Variants in SLC12A3 observed in about 807,000 individuals in gnomAD.
SLC12A3 encodes Na-Cl cotransporter.
Under a neutral mutation model 121.0 loss-of-function variants are expected in SLC12A3, and 104 were observed. That is an observed-to-expected ratio of 0.86 (90% CI 0.73 to 1.01). The LOEUF (loss-of-function observed/expected upper bound fraction) is 1.01, where lower values mean the gene tolerates loss of function less well. Ranked by LOEUF, SLC12A3 falls within the 50% of genes least tolerant of loss-of-function variation. The pLI, the probability that SLC12A3 is intolerant of heterozygous loss-of-function variation, is 0.00. For missense variants in SLC12A3, 1,328 were observed against 1,356.3 expected, an observed-to-expected ratio of 0.98 and a Z score of 0.33; for synonymous variants, 536 against 533.4, an observed-to-expected ratio of 1.00 and a Z score of -0.07.
At chr16:56,908,106 G>T (rs1444554545) in intron 25 of SLC12A3, among the ~76,000 whole-genome samples, 1 of 130,032 alleles carries the variant, frequency 7.7e-6, no homozygotes, top group Non-Finnish European at 1.6e-5. Context: ...GTGCCAGTGT[G>T]TGCTTTTTTT....
At chr16:56,888,128 G>A in intron 18 of SLC12A3, 97 bp downstream of exon 18, 1 of 846,750 alleles carries the variant, frequency 1.2e-6, no homozygotes, top group East Asian at 2.8e-5. Context: ...AAAAAGTTGA[G>A]TCCTGCTGGG....
At chr16:56,875,581 T>TA (rs1267215087) in intron 8 of SLC12A3, among the ~76,000 whole-genome samples, 1 of 151,994 alleles carries the variant, frequency 6.6e-6, no homozygotes, top group Non-Finnish European at 1.5e-5. Context: ...ATCTAACAAA[T>TA]ACGTTTTGTG....
At chr16:56,905,092 C>A (rs2055588656) in intron 25 of SLC12A3, among the ~76,000 whole-genome samples, 1 of 152,144 alleles carries the variant, frequency 6.6e-6, no homozygotes, top group African/African-American at 2.4e-5. Context: ...GTAATCCCAG[C>A]ACTTTGGGAG....
chr16:56,891,385 A>G (rs1298573665), intron 19 of SLC12A3, among the ~76,000 whole-genome samples: 11 of 151,572 alleles, frequency 7.3e-5, no homozygotes, highest in African/African-American at 2.7e-4. Flanking sequence ...AAAAAAAAAA[A>G]AAAAAAAAGG....
rs1298941904 is a variant in SLC12A3, at chr16:56,870,168, TC to T, written c.675del (p.Phe225LeufsTer77). 5.0e-6 allele frequency: 8 copies of T among 1,614,122 alleles called. No individual in the cohort carries two copies. The highest frequency in any genetic ancestry group is 6.8e-6 in the Non-Finnish European group (8 of 1,180,046). On this transcript the variant is annotated frameshift_variant, in exon 5 of 26. Transcript: ENST00000563236. LOFTEE classifies it high-confidence loss of function. ...LGGSIGLIFA[F>X]ANAVGVAMHT... Reference sequence around the variant, plus strand: ...GGCTCCATCGGCCTCATTTTCGCTTTCGCCAATGCCGTGGGTGTGGCCATGC... The same window carrying T: ...GGCTCCATCGGCCTCATTTTCGCTTTGCCAATGCCGTGGGTGTGGCCATGC...
At chr16:56,901,347 C>CTTTTTGTTTTTT (rs2055536005) in intron 23 of SLC12A3, among the ~76,000 whole-genome samples, 1 of 128,904 alleles carries the variant, frequency 7.8e-6, no homozygotes, top group Non-Finnish European at 1.6e-5. Flanking sequence ...CTCTCTCTCT[C>CTTTTTGTTTTTT]TTTTTTTTTT....
chr16:56,868,676 A>C (rs1367550036), intron 3 of SLC12A3, among the ~76,000 whole-genome samples: 1 of 152,076 alleles, frequency 6.6e-6, no homozygotes, highest in Non-Finnish European at 1.5e-5. Context: ...AGAAAGCTGC[A>C]CTCTGGCCGG....
At position 56,913,284 on chromosome 16, in the gene SLC12A3, A is replaced by C. The variant is rs771007997; in HGVS notation, c.2945A>C (p.Lys982Thr). Reference protein sequence around the residue: ...LIVITLPIGRKGKCPSSLYMA... With the variant: ...LIVITLPIGRTGKCPSSLYMA... ...TGCAGCACTTTGCCCATAGGGAGGA[A>C]GGGGAAGTGCCCCAGCTCGCTGTAC... Residue 982 changes from lysine (K) to threonine (T), a missense_variant, in exon 26 of 26, where the codon AAG becomes ACG. By Grantham distance (78) the Lys-to-Thr change is moderately conservative. Transcript: ENST00000563236. The C allele has an allele frequency of 1.9e-6, 3 of 1,614,056 alleles. No homozygotes were observed. Among genetic ancestry groups the C allele is most frequent in the Non-Finnish European group, 2.5e-6 (3 of 1,180,044 alleles).
At position 56,868,339 on chromosome 16, in the gene SLC12A3, C is replaced by A. The variant is rs1041531529; in HGVS notation, c.472C>A (p.Arg158=). 2 of 1,613,928 alleles carry A rather than the reference C, an allele frequency of 1.2e-6. No individual in the cohort carries two copies. Among genetic ancestry groups the A allele is most frequent in the Non-Finnish European group, 1.7e-6 (2 of 1,179,972 alleles). Residue 158 remains arginine (R), a synonymous_variant, in exon 3 of 26, where the codon CGG becomes AGG. Transcript: ENST00000563236. ...LNIWGVILYL[R]LPWITAQAGI... Reference sequence around the variant, plus strand: ...CATTTGGGGCGTGATCCTCTACCTGCGGCTGCCCTGGATTACGGCCCAGGC... The same window carrying A: ...CATTTGGGGCGTGATCCTCTACCTGAGGCTGCCCTGGATTACGGCCCAGGC...
chr16:56,902,026 A>G (rs2055545162), intron 23 of SLC12A3, among the ~76,000 whole-genome samples: 1 of 152,100 alleles, frequency 6.6e-6, no homozygotes, highest in African/African-American at 2.4e-5. Context: ...TTTATTTGCT[A>G]CTTGCTTATC....
At chr16:56,884,244 A>C in intron 14 of SLC12A3, 40 bp downstream of exon 14, 1 of 1,610,654 alleles carries the variant, frequency 6.2e-7, no homozygotes, top group Non-Finnish European at 8.5e-7. Flanking sequence ...CTCCTCCCCC[A>C]GGGTAGCCAT....
chr16:56,872,865 G>T, intron 8 of SLC12A3, 79 bp downstream of exon 8: 1 of 1,582,396 alleles, frequency 6.3e-7, no homozygotes, highest in Non-Finnish European at 8.6e-7. Context: ...TGCTCTAGTG[G>T]CATCTGCCGC....
Position 56,902,293 on chromosome 16 carries a change from C to T in SLC12A3, c.2721-80C>T, listed in dbSNP as rs1169075584. On this transcript the variant is annotated intron_variant, in intron 23 of 25. Transcript: ENST00000563236. ...GAAAATGGGAGCTGTGGCAACACTG[C>T]CAGCTCCCCGCAGGGACCTGGCACC... 2.5e-6 allele frequency: 4 copies of T among 1,575,152 alleles called. No homozygotes were observed. In the African/African-American group the frequency reaches 5.4e-5, roughly 21 times the overall value.
chr16:56,870,677 G>A lies in SLC12A3; in HGVS notation c.793G>A (p.Val265Met), dbSNP rs776260447. The A allele has an allele frequency of 2.7e-5, 44 of 1,613,860 alleles. No individual in the cohort carries two copies. Among genetic ancestry groups the A allele is most frequent in the Admixed American group, 1.3e-4 (8 of 60,002 alleles). Reference sequence around the variant, plus strand: ...CATTAACGACATCCGCATCATTGCCGTGGTCTCGGTCACTGTGCTGCTGGC... The same window carrying A: ...CATTAACGACATCCGCATCATTGCCATGGTCTCGGTCACTGTGCTGCTGGC... ...DPINDIRIIA[V>M]VSVTVLLAIS... The change falls in exon 6 of 26, where the codon GTG (valine) becomes ATG (methionine). Residue 265 changes from valine to methionine, a missense_variant. Transcript: ENST00000563236.
At position 56,865,289 on chromosome 16, in the gene SLC12A3, G is replaced by T; in HGVS notation, c.54G>T (p.Gly18=). Residue 18 remains glycine, a synonymous_variant, in exon 1 of 26, where the codon GGG becomes GGT. Transcript: ENST00000563236. The part of the protein sequence containing the change: ...ETPGDATLCS[G]RFTISTLLSS... ...CTGGGGACGCCACTTTGTGCAGCGG[G>T]CGCTTCACCATCAGCACACTGCTGA... 2 of 1,613,946 alleles carry T rather than the reference G, an allele frequency of 1.2e-6. No homozygotes were observed. The highest frequency in any genetic ancestry group is 2.7e-5 in the African/African-American group (2 of 75,052).
At chr16:56,911,799 C>T (rs1222027508) in intron 25 of SLC12A3, among the ~76,000 whole-genome samples, 2 of 152,226 alleles carry the variant, frequency 1.3e-5, no homozygotes, top group Admixed American at 1.3e-4. Context: ...CGAATTCCAG[C>T]TTTGCCGCCG....
At chr16:56,878,193 G>T (rs759855988) in intron 9 of SLC12A3, 32 bp downstream of exon 9, 1 of 1,527,560 alleles carries the variant, frequency 6.5e-7, no homozygotes, top group South Asian at 1.1e-5. Context: ...TCAGGAGGGG[G>T]AGGGACCTGG....
intron 12 of SLC12A3, 104 bp downstream of exon 12, chr16:56,880,357 G>A: frequency 7.1e-6 from 10 of 1,404,434 alleles, no homozygotes; most frequent in Admixed American, 2.1e-5. Flanking sequence ...TCTCCCCGCC[G>A]GGCCTGACAG....
chr16:56,886,288 TG>T, intron 15 of SLC12A3, 75 bp from the exon 16 acceptor site: 2 of 1,061,658 alleles, frequency 1.9e-6, no homozygotes, highest in Non-Finnish European at 1.5e-6. Context: ...TCAGGGAGCC[TG>T]GGAGGTGCCT....
Sources: gnomAD v4.1 joint callset for allele counts (sites outside exome capture counted in the v4.1 genomes callset) on GRCh38, gnomAD v4.1.1 for gene constraint, MANE v1.5 for transcripts, NCBI Gene and HGNC (gene_info 2026-07-23, HGNC 2026-07-21) for gene names.